The following SLC22A14 variants were observed in gnomAD, a reference collection of about 807,000 sequenced individuals.
SLC22A14 encodes the protein solute carrier family 22 member 14.
In SLC22A14, 50 loss-of-function variants were observed where a neutral mutation model predicts 53.9. The observed-to-expected ratio is 0.93, with a 90% CI of 0.74 to 1.17. The LOEUF is 1.17. SLC22A14 is among the 50% of genes most tolerant of loss of function. The pLI, the probability that SLC22A14 is intolerant of heterozygous loss-of-function variation, is 0.00. For synonymous variants in SLC22A14, 312 were observed against 303.0 expected (o/e 1.03, Z -0.31); for missense variants, 671 against 734.7 (o/e 0.91, Z 1.00).
At position 38,316,541 on chromosome 3, in the gene SLC22A14, C is replaced by T. The variant is rs1559556017; in HGVS notation, c.1733+17C>T. Reference sequence around the variant, plus strand: ...ACAGATAAGGTAGGTGTGGGAGCCTCCTGGGCTGTGCCAGCACGGGGCCTG... The same window carrying T: ...ACAGATAAGGTAGGTGTGGGAGCCTTCTGGGCTGTGCCAGCACGGGGCCTG... On this transcript the variant is annotated intron_variant, in intron 10 of 10. Coordinates refer to ENST00000448498, the MANE Select transcript of SLC22A14 (RefSeq NM_001320033.2). 2 of 1,612,346 alleles carry T rather than the reference C, an allele frequency of 1.2e-6. No homozygotes were observed. Among genetic ancestry groups the T allele is most frequent in the East Asian group, 2.2e-5 (1 of 44,860 alleles).
chr3:38,316,221 A>T (rs1339146188), intron 9 of SLC22A14, 103 bp from the exon 10 acceptor site: 7 of 967,528 alleles, frequency 7.2e-6, no homozygotes, highest in Non-Finnish European at 1.1e-5. Context: ...TGAGGATGGG[A>T]CAGGGTGGAG....
At position 38,307,215 on chromosome 3, in the gene SLC22A14, G is replaced by A; in HGVS notation, c.517-39G>A. ...ATGAGTCTCAGTCTCTGGACCCAAA[G>A]GTGGGCACCCGTGGCCAATCTCTGT... On this transcript the variant is annotated intron_variant, in intron 2 of 10. Coordinates refer to ENST00000448498, the MANE Select transcript of SLC22A14 (RefSeq NM_001320033.2). This position sits in a 1 kb window ranked among gnomAD's most constrained non-coding sequence, Gnocchi z 4.4. The A allele has an allele frequency of 6.9e-7, 1 of 1,449,168 alleles. No homozygotes were observed. Among genetic ancestry groups the A allele is most frequent in the South Asian group, 1.1e-5 (1 of 87,794 alleles). 89.8% of individuals were successfully genotyped at this position (1,449,168 alleles called of 1,614,324 possible). A position where few individuals can be genotyped will look rare whatever the true frequency, so the allele number is the denominator to read the frequency against.
intron 5 of SLC22A14, 113 bp from the exon 6 acceptor site, chr3:38,312,886 T>A: frequency 1.4e-6 from 2 of 1,415,834 alleles, no homozygotes; most frequent in Non-Finnish European, 1.9e-6. Flanking sequence ...GGCCCTGACA[T>A]CTGAATCACC....
rs1276236523 is a variant in SLC22A14, at chr3:38,282,313, G to A, written c.-27G>A. 1 of 152,790 alleles carries A rather than the reference G, an allele frequency of 6.5e-6. No homozygotes were observed. The highest frequency in any genetic ancestry group is 1.9e-4 in the East Asian group (1 of 5,188). 9.5% of individuals were successfully genotyped at this position (152,790 alleles called of 1,614,324 possible). A position where few individuals can be genotyped will look rare whatever the true frequency, so the allele number is the denominator to read the frequency against. On this transcript the variant is annotated 5_prime_UTR_variant, in exon 1 of 11. Coordinates refer to ENST00000448498, the MANE Select transcript of SLC22A14 (RefSeq NM_001320033.2). ...GAGCTCAAAGGTTCTGCTTCCAAGGGTCTGGCTGGGCCTGGATTGTGGTCA... is the reference window on the plus strand; with the variant it reads ...GAGCTCAAAGGTTCTGCTTCCAAGGATCTGGCTGGGCCTGGATTGTGGTCA...
chr3:38,301,840 T>C (rs1235647679), intron 1 of SLC22A14, among the ~76,000 whole-genome samples: 9 of 151,976 alleles, frequency 5.9e-5, no homozygotes, highest in Non-Finnish European at 1.3e-4. Flanking sequence ...TGTTGAATTT[T>C]ATCAAATGCG....
chr3:38,303,538 A>G (rs562008322), intron 1 of SLC22A14, among the ~76,000 whole-genome samples: 1 of 151,712 alleles, frequency 6.6e-6, no homozygotes, highest in Non-Finnish European at 1.5e-5. Context: ...AGTTATCTCT[A>G]TCTCTATCAT....
chr3:38,283,498 G>C (rs1485731543), intron 1 of SLC22A14, among the ~76,000 whole-genome samples: 1 of 152,090 alleles, frequency 6.6e-6, no homozygotes, highest in Non-Finnish European at 1.5e-5. Flanking sequence ...ATGGGGAAAT[G>C]GTGCTGGGCT....
At chr3:38,280,434 A>G (rs1231229799), upstream of SLC22A14, among the ~76,000 whole-genome samples, 2 of 152,218 alleles carry the variant, frequency 1.3e-5, no homozygotes, top group Non-Finnish European at 2.9e-5. Context: ...CCTGTAACCA[A>G]GGGAAACAAA....
intron 1 of SLC22A14, among the ~76,000 whole-genome samples, chr3:38,297,369 T>C (rs547713899): frequency 1.3e-5 from 2 of 152,302 alleles, no homozygotes; most frequent in South Asian, 4.1e-4. Flanking sequence ...TCCTCAGCCT[T>C]TTTCATGCTT....
Position 38,315,653 on chromosome 3 carries a change from G to GC in SLC22A14, c.1476dup (p.Ala493ArgfsTer12). Reference sequence around the variant, plus strand: ...GCTCATGCTCAGAGAGTTCAGCCTGGCCGCCACTGTCACTGTGTTCTTCCT... The same window carrying GC: ...GCTCATGCTCAGAGAGTTCAGCCTGGCCCGCCACTGTCACTGTGTTCTTCCT... On this transcript the variant is annotated frameshift_variant, in exon 9 of 11. Coordinates refer to ENST00000448498, the MANE Select transcript of SLC22A14 (RefSeq NM_001320033.2). LOFTEE classifies it high-confidence loss of function. 1 of 1,614,060 alleles carries GC rather than the reference G, an allele frequency of 6.2e-7. No homozygotes were observed. The highest frequency in any genetic ancestry group is 8.5e-7 in the Non-Finnish European group (1 of 1,180,012).
chr3:38,281,965 G>A (rs1703678736), upstream of SLC22A14, among the ~76,000 whole-genome samples: 1 of 152,174 alleles, frequency 6.6e-6, no homozygotes, highest in African/African-American at 2.4e-5. Flanking sequence ...GGAGTGTCAC[G>A]GAGAGACAGA....
At chr3:38,310,110 G>T (rs1224808648) in intron 5 of SLC22A14, among the ~76,000 whole-genome samples, 1 of 152,202 alleles carries the variant, frequency 6.6e-6, no homozygotes, top group Non-Finnish European at 1.5e-5. Flanking sequence ...GGGCGCAGTG[G>T]CTCATGCCTG....
At chr3:38,280,553 G>C (rs1252951300), upstream of SLC22A14, among the ~76,000 whole-genome samples, 5 of 152,082 alleles carry the variant, frequency 3.3e-5, no homozygotes, top group African/African-American at 1.2e-4. Context: ...TAGCCTATGA[G>C]CCTCCATCTT....
chr3:38,299,960 G>A (rs371718095), intron 1 of SLC22A14, among the ~76,000 whole-genome samples: 52 of 152,314 alleles, frequency 3.4e-4, no homozygotes, highest in African/African-American at 1.0e-3. Flanking sequence ...TACAATCAAT[G>A]CTGCAGTGTG....
intron 5 of SLC22A14, 100 bp from the exon 6 acceptor site, chr3:38,312,899 A>G (rs695939): frequency 0.3 from 447,045 of 1,474,248 alleles, 70,931 homozygotes; most frequent in Non-Finnish European, 0.33. Context: ...GAATCACCTC[A>G]TGCTGGCACA....
At chr3:38,296,100 G>T (rs1323147903) in intron 1 of SLC22A14, among the ~76,000 whole-genome samples, 2 of 152,228 alleles carry the variant, frequency 1.3e-5, no homozygotes, top group Non-Finnish European at 2.9e-5. Context: ...GAGGTAAGGA[G>T]AATTTTGGGG....
At chr3:38,310,130 C>A (rs910507406) in intron 5 of SLC22A14, among the ~76,000 whole-genome samples, 1 of 152,170 alleles carries the variant, frequency 6.6e-6, no homozygotes, top group Non-Finnish European at 1.5e-5. Context: ...GTAATCCCAA[C>A]ACTTTGGGAG....
intron 10 of SLC22A14, among the ~76,000 whole-genome samples, chr3:38,317,474 G>A (rs1704654546): frequency 6.6e-6 from 1 of 152,230 alleles, no homozygotes; most frequent in Admixed American, 6.5e-5. Context: ...AATTTGGGGA[G>A]TTGGAGAAAA....
At chr3:38,288,266 A>T (rs573428370) in intron 1 of SLC22A14, among the ~76,000 whole-genome samples, 1 of 152,314 alleles carries the variant, frequency 6.6e-6, no homozygotes, top group South Asian at 2.1e-4. Context: ...TTATAATTTT[A>T]TTCATTTTTA....
Sources: gnomAD v4.1 joint callset for allele counts (sites outside exome capture counted in the v4.1 genomes callset) on GRCh38, gnomAD v4.1.1 for gene constraint, Gnocchi (gnomAD v3.1) non-coding constraint, MANE v1.5 for transcripts, NCBI Gene and HGNC (gene_info 2026-07-23, HGNC 2026-07-21) for gene names.